The following FBXW10B variants were observed in gnomAD, a reference collection of about 807,000 sequenced individuals.
FBXW10B encodes F-box and WD repeat domain containing protein 10B.
the FBXW10B span, among the ~76,000 whole-genome samples, chr17:15,609,852 C>CTTTTTTTTTTTTTTTTTT: frequency 6.8e-5 from 7 of 103,178 alleles, no homozygotes; most frequent in East Asian, 3.0e-4. Context: ...TTCTTTCTTT[C>CTTTTTTTTTTTTTTTTTT]TTTTTTTTTT....
At chr17:15,601,289 G>A in the FBXW10B span, among the ~76,000 whole-genome samples, 6 of 149,420 alleles carry the variant, frequency 4.0e-5, no homozygotes, top group South Asian at 1.3e-3. Context: ...GGCGCCTGTA[G>A]TCCCAGCTAC....
the FBXW10B span, among the ~76,000 whole-genome samples, chr17:15,617,914 T>C: frequency 6.6e-6 from 1 of 152,214 alleles, no homozygotes; most frequent in Admixed American, 6.5e-5. Context: ...TTATTGTTTC[T>C]TCTGCTTCCC....
the FBXW10B span, chr17:15,565,983 T>G: frequency 6.2e-7 from 1 of 1,611,170 alleles, no homozygotes; most frequent in Non-Finnish European, 8.5e-7. Flanking sequence ...TGGACTGGGC[T>G]CTAGGACTGT....
At chr17:15,585,866 A>G in the FBXW10B span, among the ~76,000 whole-genome samples, 5 of 151,906 alleles carry the variant, frequency 3.3e-5, no homozygotes, top group Non-Finnish European at 7.4e-5. Flanking sequence ...CTTGGTAGCC[A>G]CTGCTTTGAT....
At chr17:15,599,866 G>A in the FBXW10B span, among the ~76,000 whole-genome samples, 1 of 151,774 alleles carries the variant, frequency 6.6e-6, no homozygotes, top group Non-Finnish European at 1.5e-5. Context: ...TGTGATTCTG[G>A]GCAAATTACT....
the FBXW10B span, among the ~76,000 whole-genome samples, chr17:15,604,036 C>A: frequency 1.4e-5 from 2 of 146,724 alleles, no homozygotes; most frequent in African/African-American, 2.5e-5. Flanking sequence ...GCCAACATGG[C>A]GCCACTGCCC....
the FBXW10B span, among the ~76,000 whole-genome samples, chr17:15,586,273 T>A: frequency 4.9e-4 from 74 of 151,810 alleles, 3 homozygotes; most frequent in African/African-American, 1.7e-3. Flanking sequence ...CTTAAACAAG[T>A]TATCCATTTG....
chr17:15,589,253 C>T, the FBXW10B span: 12 of 1,612,336 alleles, frequency 7.4e-6, no homozygotes, highest in South Asian at 7.7e-5. Flanking sequence ...AAAGAGAGAC[C>T]GTGTCATCCT....
At chr17:15,568,898 C>T in the FBXW10B span, 3 of 1,231,734 alleles carry the variant, frequency 2.4e-6, no homozygotes, top group Non-Finnish European at 3.0e-6. Context: ...CACCTCAGTG[C>T]TTTAGCTTCA....
At chr17:15,601,048 T>TAAAAAAAAAA in the FBXW10B span, among the ~76,000 whole-genome samples, 1 of 544 alleles carries the variant, frequency 1.8e-3, no homozygotes, top group Non-Finnish European at 0.013. Flanking sequence ...AGACTCCATC[T>TAAAAAAAAAA]CAAAAAAAAA....
chr17:15,615,625 C>G, the FBXW10B span: 1 of 1,613,638 alleles, frequency 6.2e-7, no homozygotes, highest in Non-Finnish European at 8.5e-7. Flanking sequence ...TATTGGCTTT[C>G]TTGCTGAAAG....
At chr17:15,593,079 T>C in the FBXW10B span, among the ~76,000 whole-genome samples, 1 of 144,366 alleles carries the variant, frequency 6.9e-6, no homozygotes, top group Admixed American at 7.0e-5. Context: ...CTCCAGCCTG[T>C]GCGACAGAGT....
At chr17:15,584,144 C>T in the FBXW10B span, among the ~76,000 whole-genome samples, 1 of 152,074 alleles carries the variant, frequency 6.6e-6, no homozygotes, top group Non-Finnish European at 1.5e-5. Context: ...CAAAAGTCTA[C>T]CCATAAGATA....
At chr17:15,609,046 T>C in the FBXW10B span, among the ~76,000 whole-genome samples, 1 of 148,392 alleles carries the variant, frequency 6.7e-6, no homozygotes. Context: ...TGCTAAATTC[T>C]GGCATAGATG....
the FBXW10B span, chr17:15,588,288 A>G: frequency 1.8e-5 from 3 of 164,314 alleles, no homozygotes; most frequent in African/African-American, 7.2e-5. Context: ...AGACATTGTA[A>G]TGATGGCAGT....
the FBXW10B span, chr17:15,605,186 G>A: frequency 6.3e-7 from 1 of 1,588,724 alleles, no homozygotes; most frequent in African/African-American, 1.4e-5. Context: ...CTAGGCCCTA[G>A]GTGGGACAGG....
the FBXW10B span, among the ~76,000 whole-genome samples, chr17:15,591,074 C>T: frequency 8.4e-4 from 127 of 151,008 alleles, 3 homozygotes; most frequent in Admixed American, 8.3e-3. Context: ...TGTCCTAGGG[C>T]CCAGGTTCTT....
chr17:15,597,882 C>T, the FBXW10B span, among the ~76,000 whole-genome samples: 2 of 152,210 alleles, frequency 1.3e-5, no homozygotes, highest in Non-Finnish European at 2.9e-5. Context: ...TTCCCCACTA[C>T]ACAGATGAGG....
the FBXW10B span, chr17:15,588,994 A>C: frequency 6.8e-6 from 11 of 1,612,516 alleles, no homozygotes; most frequent in Non-Finnish European, 9.3e-6. Flanking sequence ...ACTGAAAAGG[A>C]TCAGCATTGC....
Sources: allele counts gnomAD v4.1 joint callset (sites outside exome capture counted in the v4.1 genomes callset), GRCh38; gene constraint gnomAD v4.1.1; transcripts MANE v1.5; gene names NCBI Gene and HGNC (gene_info 2026-07-23, HGNC 2026-07-21).